Variants in ST6GALNAC3 observed in about 807,000 individuals in gnomAD.
ST6GALNAC3 encodes ST6 N-acetylgalactosaminide alpha-2,6-sialyltransferase 3.
A neutral mutation model predicts 32.7 loss-of-function variants in ST6GALNAC3; 25 were observed. The observed-to-expected ratio is 0.76, with a 90% CI of 0.56 to 1.07. The LOEUF is 1.07. ST6GALNAC3 is among the 50% of genes least tolerant of loss of function. ST6GALNAC3 has a pLI of 0.00. For synonymous variants in ST6GALNAC3, 129 were observed against 133.1 expected (o/e 0.97, Z 0.21); for missense variants, 355 against 382.4 (o/e 0.93, Z 0.60).
rs114143989 is a variant in ST6GALNAC3, at chr1:76,157,435, A to G, written c.18+82551A>G. Among the ~76,000 whole-genome samples, 479 of 152,278 alleles carry G rather than the reference A, an allele frequency of 3.1e-3. 1 individual carries two copies. The highest frequency in any genetic ancestry group is 5.2e-3 in the Non-Finnish European group (356 of 68,024). ...ATATGTAGCAGTATCAAAATTGTTA[A>G]CTTATACCCCCATGGAAAATAGCCT... On this transcript the variant is annotated intron_variant, in intron 1 of 4. Coordinates refer to ENST00000328299, the MANE Select transcript of ST6GALNAC3 (RefSeq NM_152996.4).
intron 1 of ST6GALNAC3, among the ~76,000 whole-genome samples, chr1:76,143,137 C>A (rs894957504): frequency 6.6e-6 from 1 of 152,052 alleles, no homozygotes; most frequent in Admixed American, 6.5e-5. Context: ...TGGGAAGGAA[C>A]CTATTTTTGT....
At chr1:76,259,350 G>A (rs1015561657) in intron 1 of ST6GALNAC3, among the ~76,000 whole-genome samples, 3 of 152,162 alleles carry the variant, frequency 2.0e-5, no homozygotes, top group African/African-American at 7.2e-5. Context: ...GAGATCCAAT[G>A]TTCCATCTAA....
At chr1:76,380,687 A>T (rs982880213) in intron 2 of ST6GALNAC3, among the ~76,000 whole-genome samples, 1 of 152,196 alleles carries the variant, frequency 6.6e-6, no homozygotes, top group Non-Finnish European at 1.5e-5. Flanking sequence ...ACAGAAAAAA[A>T]TCAGATGACC....
chr1:76,193,507 C>G (rs1654024712), intron 1 of ST6GALNAC3, among the ~76,000 whole-genome samples: 1 of 152,110 alleles, frequency 6.6e-6, no homozygotes, highest in African/African-American at 2.4e-5. Flanking sequence ...ATTGGTTTAA[C>G]TGCTTCCTCC....
At chr1:76,576,803 T>A (rs1175282750) in intron 3 of ST6GALNAC3, 1 of 1,292,128 alleles carries the variant, frequency 7.7e-7, no homozygotes, top group African/African-American at 1.5e-5. Flanking sequence ...CATGTCTAAC[T>A]AATTTTCTTC....
intron 3 of ST6GALNAC3, among the ~76,000 whole-genome samples, chr1:76,454,696 T>A (rs575376366): frequency 1.3e-5 from 2 of 152,306 alleles, no homozygotes; most frequent in South Asian, 4.1e-4. Flanking sequence ...CTGGTGCTTT[T>A]GCCTCATGGC....
At chr1:76,259,311 T>C (rs1435278542) in intron 1 of ST6GALNAC3, among the ~76,000 whole-genome samples, 1 of 152,142 alleles carries the variant, frequency 6.6e-6, no homozygotes, top group Admixed American at 6.6e-5. Context: ...TAAATGGGTG[T>C]CAATAGTGGT....
chr1:76,590,374 G>A (rs1181654864), intron 3 of ST6GALNAC3, among the ~76,000 whole-genome samples: 1 of 152,176 alleles, frequency 6.6e-6, no homozygotes, highest in African/African-American at 2.4e-5. Context: ...AGATGTTTCA[G>A]TAAATTGCAA....
At position 76,632,750 on chromosome 1, in the gene ST6GALNAC3, C is replaced by T. The variant is rs1649361917; in HGVS notation, c.*3944C>T. Reference sequence around the variant, plus strand: ...GTGTTAATTGGATGTTAATTATGAGCTCGGTTTAATTTCAATAAGCAAGAA... The same window carrying T: ...GTGTTAATTGGATGTTAATTATGAGTTCGGTTTAATTTCAATAAGCAAGAA... On this transcript the variant is annotated 3_prime_UTR_variant, in exon 5 of 5. Coordinates refer to ENST00000328299, the MANE Select transcript of ST6GALNAC3 (RefSeq NM_152996.4). The T allele has an allele frequency of 6.6e-6, 1 of 151,934 alleles. No homozygotes were observed. The highest frequency in any genetic ancestry group is 2.1e-4 in the South Asian group (1 of 4,818). The allele number at this position is 151,934 out of a possible 1,614,324, so 9.4% of individuals were successfully genotyped here.
chr1:76,320,789 T>C (rs536461198), intron 2 of ST6GALNAC3, among the ~76,000 whole-genome samples: 202 of 152,092 alleles, frequency 1.3e-3, no homozygotes, highest in African/African-American at 4.5e-3. Flanking sequence ...TATATACAAG[T>C]ATATGGAAAA....
At chr1:76,525,482 T>C (rs315088) in intron 3 of ST6GALNAC3, among the ~76,000 whole-genome samples, 70,724 of 151,338 alleles carry the variant, frequency 0.47, 17,659 homozygotes, top group African/African-American at 0.66. Flanking sequence ...TCTGCTCCTT[T>C]CTTCCCTAAG....
At chr1:76,523,846 T>A (rs1171518644) in intron 3 of ST6GALNAC3, among the ~76,000 whole-genome samples, 1 of 152,172 alleles carries the variant, frequency 6.6e-6, no homozygotes, top group East Asian at 1.9e-4. Flanking sequence ...CTCCAATCCT[T>A]GTAAATGCCA....
At chr1:76,600,271 A>G (rs1213068990) in intron 3 of ST6GALNAC3, among the ~76,000 whole-genome samples, 1 of 152,154 alleles carries the variant, frequency 6.6e-6, no homozygotes, top group East Asian at 1.9e-4. Flanking sequence ...GTCATCTCAG[A>G]CTTCCAGCCT....
intron 3 of ST6GALNAC3, among the ~76,000 whole-genome samples, chr1:76,440,536 T>A (rs1217872369): frequency 2.6e-5 from 4 of 152,230 alleles, no homozygotes; most frequent in Non-Finnish European, 5.9e-5. Context: ...GTGTATCCTT[T>A]CCCTTTTCTA....
intron 1 of ST6GALNAC3, among the ~76,000 whole-genome samples, chr1:76,094,499 A>T (rs1288954863): frequency 6.6e-6 from 1 of 152,162 alleles, no homozygotes; most frequent in Non-Finnish European, 1.5e-5. Context: ...CAAAGAAGAA[A>T]ACTGAGGGAC....
chr1:76,606,006 C>T (rs1030404891), intron 3 of ST6GALNAC3, among the ~76,000 whole-genome samples: 1 of 151,214 alleles, frequency 6.6e-6, no homozygotes, highest in African/African-American at 2.4e-5. Context: ...ATTAAAACCA[C>T]AATGAGATAC....
chr1:76,437,474 T>A (rs1441987687), intron 3 of ST6GALNAC3, among the ~76,000 whole-genome samples: 2 of 152,154 alleles, frequency 1.3e-5, no homozygotes, highest in Non-Finnish European at 2.9e-5. Context: ...ATTTGCTTTC[T>A]AATAAATGTA....
At chr1:76,214,796 G>A (rs1655364031) in intron 1 of ST6GALNAC3, among the ~76,000 whole-genome samples, 3 of 152,112 alleles carry the variant, frequency 2.0e-5, no homozygotes, top group Non-Finnish European at 4.4e-5. Flanking sequence ...ATGGTTACTG[G>A]GTCGTAGGGC....
intron 2 of ST6GALNAC3, among the ~76,000 whole-genome samples, chr1:76,345,612 T>C (rs1008102656): frequency 5.3e-5 from 8 of 152,166 alleles, no homozygotes; most frequent in Non-Finnish European, 8.8e-5. Flanking sequence ...AACAGTATGC[T>C]AAGAGCTTTG....
Sources: gnomAD v4.1 joint callset for allele counts (sites outside exome capture counted in the v4.1 genomes callset) on GRCh38, gnomAD v4.1.1 for gene constraint, MANE v1.5 for transcripts, NCBI Gene and HGNC (gene_info 2026-07-23, HGNC 2026-07-21) for gene names.